Variants in GPC5 observed in about 807,000 individuals in gnomAD.
The protein encoded by GPC5 is glypican-5.
GPC5 carries 47 observed loss-of-function variants against 53.9 expected under a neutral mutation model. The ratio of observed to expected loss-of-function variants is 0.87; its 90% CI spans 0.69 to 1.11. The LOEUF is 1.11. Ranked by LOEUF, GPC5 falls within the 50% of genes most tolerant of loss-of-function variation. The pLI is 0.00. For missense variants in GPC5, 748 were observed against 713.1 expected, an observed-to-expected ratio of 1.05 and a Z score of -0.56; for synonymous variants, 286 against 263.3, an observed-to-expected ratio of 1.09 and a Z score of -0.84.
At chr13:91,547,530 G>A (rs1424352931) in intron 2 of GPC5, among the ~76,000 whole-genome samples, 2 of 151,990 alleles carry the variant, frequency 1.3e-5, no homozygotes, top group Admixed American at 6.6e-5. Flanking sequence ...GAAAGCACCA[G>A]GCCCAGATAA....
intron 3 of GPC5, among the ~76,000 whole-genome samples, chr13:91,724,256 A>G (rs1479679265): frequency 6.6e-6 from 1 of 152,144 alleles, no homozygotes; most frequent in Admixed American, 6.6e-5. Flanking sequence ...ATGTATCATT[A>G]TTATTATCAA....
intron 5 of GPC5, among the ~76,000 whole-genome samples, chr13:91,902,585 T>C (rs9301760): frequency 0.88 from 134,243 of 152,028 alleles, 59,650 homozygotes; most frequent in East Asian, 0.97. Context: ...TTCCATCCTT[T>C]TCATTGTAAT....
intron 6 of GPC5, among the ~76,000 whole-genome samples, chr13:92,114,248 C>T (rs996358903): frequency 1.3e-5 from 2 of 152,170 alleles, no homozygotes; most frequent in Admixed American, 1.3e-4. Context: ...CCTCATTTCC[C>T]ACCCCACGTG....
intron 7 of GPC5, among the ~76,000 whole-genome samples, chr13:92,331,716 C>T (rs542053277): frequency 6.6e-6 from 1 of 150,950 alleles, no homozygotes; most frequent in African/African-American, 2.4e-5. Context: ...AGCTGAATAT[C>T]GGTTTTACTT....
intron 7 of GPC5, among the ~76,000 whole-genome samples, chr13:92,589,839 CTACT>C (rs1443293191): frequency 2.0e-5 from 3 of 152,112 alleles, no homozygotes; most frequent in Non-Finnish European, 2.9e-5. Context: ...AAGTATAATC[CTACT>C]TACTTAAGTC....
At chr13:91,872,376 CATTTA>C (rs1437896124) in intron 5 of GPC5, among the ~76,000 whole-genome samples, 2 of 152,102 alleles carry the variant, frequency 1.3e-5, no homozygotes, top group Admixed American at 6.6e-5. Context: ...GCCTTGGAAA[CATTTA>C]GGAAGAAAGA....
intron 2 of GPC5, among the ~76,000 whole-genome samples, chr13:91,505,235 C>T (rs1472161680): frequency 6.6e-6 from 1 of 152,000 alleles, no homozygotes; most frequent in Non-Finnish European, 1.5e-5. Context: ...AGATACTGAA[C>T]ATTCTTACAC....
At chr13:92,557,686 G>A (rs1882545436) in intron 7 of GPC5, among the ~76,000 whole-genome samples, 1 of 151,892 alleles carries the variant, frequency 6.6e-6, no homozygotes, top group Admixed American at 6.6e-5. Flanking sequence ...CATATAAGGG[G>A]CTAGTCATAT....
chr13:91,816,966 C>T (rs2038409285), intron 5 of GPC5, among the ~76,000 whole-genome samples: 1 of 152,152 alleles, frequency 6.6e-6, no homozygotes, highest in Non-Finnish European at 1.5e-5. Context: ...AGTGTCTGTA[C>T]TAAGAACACG....
chr13:92,109,136 G>A (rs928534883), intron 6 of GPC5, among the ~76,000 whole-genome samples: 7 of 138,312 alleles, frequency 5.1e-5, no homozygotes, highest in Admixed American at 2.5e-4. Flanking sequence ...GCACAATCTC[G>A]GCTCACTGCA....
At chr13:91,891,338 T>C (rs993802516) in intron 5 of GPC5, among the ~76,000 whole-genome samples, 1 of 152,182 alleles carries the variant, frequency 6.6e-6, no homozygotes, top group African/African-American at 2.4e-5. Flanking sequence ...TGCCAGGAAG[T>C]GACAGTTTTT....
chr13:92,752,682 G>C lies in GPC5; in HGVS notation c.1562-113600G>C, dbSNP rs1042479476. 2.0e-5 allele frequency among the ~76,000 whole-genome samples: 3 copies of C among 152,132 alleles called. No individual in the cohort carries two copies. The East Asian group carries it at 5.8e-4, about 30-fold the overall frequency. On this transcript the variant is annotated intron_variant, in intron 7 of 7. Coordinates refer to ENST00000377067, the MANE Select transcript of GPC5 (RefSeq NM_004466.6). ...TGAGGCATTGCCTCATTCGGGAAGC[G>C]CAAGGGGTCAGGGAGTTCCCTTTCC...
intron 6 of GPC5, among the ~76,000 whole-genome samples, chr13:92,099,370 G>A (rs1178595639): frequency 6.6e-6 from 1 of 152,114 alleles, no homozygotes; most frequent in East Asian, 1.9e-4. Flanking sequence ...GTAATATTGA[G>A]CAATCTTTGT....
At chr13:92,814,762 A>G (rs1417090787) in intron 7 of GPC5, among the ~76,000 whole-genome samples, 2 of 151,968 alleles carry the variant, frequency 1.3e-5, no homozygotes, top group Non-Finnish European at 2.9e-5. Context: ...ACTGTCCTTG[A>G]TGATGGTGAT....
chr13:92,059,031 A>T (rs1276907126), intron 6 of GPC5, among the ~76,000 whole-genome samples: 1 of 152,184 alleles, frequency 6.6e-6, no homozygotes. Flanking sequence ...CTCTGTTCTC[A>T]TAAAACTGTA....
At chr13:91,411,493 C>A (rs1877789095) in intron 1 of GPC5, among the ~76,000 whole-genome samples, 1 of 152,262 alleles carries the variant, frequency 6.6e-6, no homozygotes, top group South Asian at 2.1e-4. Flanking sequence ...TTGGCTCTGG[C>A]AGTTAATGGG....
intron 7 of GPC5, among the ~76,000 whole-genome samples, chr13:92,176,734 C>T (rs1235063207): frequency 6.6e-6 from 1 of 152,130 alleles, no homozygotes; most frequent in East Asian, 1.9e-4. Context: ...CCAGTGGTTC[C>T]TCACCTCAAC....
intron 7 of GPC5, among the ~76,000 whole-genome samples, chr13:92,190,443 T>C (rs2042215380): frequency 6.6e-6 from 1 of 152,188 alleles, no homozygotes; most frequent in African/African-American, 2.4e-5. Flanking sequence ...GTTATTTTTC[T>C]TCGTTGCAGT....
intron 5 of GPC5, among the ~76,000 whole-genome samples, chr13:91,891,286 C>T (rs771675456): frequency 5.3e-5 from 8 of 152,114 alleles, no homozygotes; most frequent in African/African-American, 1.4e-4. Flanking sequence ...TAGGAAGCTT[C>T]GCCAAGGCAG....
Sources: gnomAD v4.1 joint callset for allele counts (sites outside exome capture counted in the v4.1 genomes callset) on GRCh38, gnomAD v4.1.1 for gene constraint, MANE v1.5 for transcripts, NCBI Gene and HGNC (gene_info 2026-07-23, HGNC 2026-07-21) for gene names.